Variants in MED12L observed in about 807,000 individuals in gnomAD.
MED12L encodes mediator of RNA polymerase II transcription subunit 12-like protein.
Under a neutral mutation model 281.3 loss-of-function variants are expected in MED12L, and 60 were observed. The observed-to-expected ratio is 0.21, with a 90% confidence interval of 0.17 to 0.26. The LOEUF is 0.26. Ranked by LOEUF, MED12L falls within the 10% of genes least tolerant of loss-of-function variation. The probability of loss-of-function intolerance (pLI) is 1.00; values close to 1 mark genes in which losing one functional copy is unlikely to be tolerated. For synonymous variants in MED12L, 974 were observed against 987.2 expected, an observed-to-expected ratio of 0.99 and a Z score of 0.25; for missense variants, 2,146 against 2,680.9, an observed-to-expected ratio of 0.80 and a Z score of 4.41.
chr3:151,128,095 G>A (rs1714805213), intron 5 of MED12L, 111 bp downstream of exon 5: 2 of 950,810 alleles, frequency 2.1e-6, no homozygotes, highest in South Asian at 1.6e-5. Flanking sequence ...AAGGTCCGTG[G>A]TGAGACTGAT....
intron 16 of MED12L, among the ~76,000 whole-genome samples, chr3:151,279,893 A>G (rs560875930): frequency 3.3e-5 from 5 of 152,238 alleles, no homozygotes; most frequent in Non-Finnish European, 7.4e-5. Context: ...ACACCCATTA[A>G]TTGTTCCGGG....
intron 5 of MED12L, among the ~76,000 whole-genome samples, chr3:151,139,978 T>A (rs562713883): frequency 3.3e-5 from 5 of 152,332 alleles, no homozygotes; most frequent in African/African-American, 1.2e-4. Flanking sequence ...TCATTGGTAC[T>A]TTTCCTGGAA....
Position 151,350,163 on chromosome 3 carries a change from T to C in MED12L, c.2355T>C (p.Asp785=), listed in dbSNP as rs1385959703. Residue 785 remains aspartate, a synonymous_variant, in exon 17 of 45, where the codon GAT becomes GAC. Transcript: ENST00000687756. ...ATCAGCTGAAGAAGATTACCAAAGA[T>C]ATCCTGAAAATTCTAAATAAGAAGA... ...ARHQLKKITK[D]ILKILNKKST... 1 of 1,613,790 alleles carries C rather than the reference T, an allele frequency of 6.2e-7. No individual in the cohort carries two copies. Among genetic ancestry groups the C allele is most frequent in the Non-Finnish European group, 8.5e-7 (1 of 1,179,822 alleles).
At chr3:151,237,186 A>G (rs1271776490) in intron 16 of MED12L, among the ~76,000 whole-genome samples, 2 of 146,996 alleles carry the variant, frequency 1.4e-5, no homozygotes, top group Admixed American at 6.8e-5. Flanking sequence ...CTACAGGTGC[A>G]TGCCACCACG....
At chr3:151,378,257 G>A in intron 31 of MED12L, 84 bp downstream of exon 31, 1 of 1,306,978 alleles carries the variant, frequency 7.7e-7, no homozygotes, top group Non-Finnish European at 1.0e-6. Flanking sequence ...TGTGGTCACT[G>A]TACCCACAGT....
chr3:151,399,205 GATTAAGTATGTGT>G (rs1301657434), intron 39 of MED12L, among the ~76,000 whole-genome samples: 1 of 152,314 alleles, frequency 6.6e-6, no homozygotes, highest in Non-Finnish European at 1.5e-5. Flanking sequence ...TGAAGTTAAT[GATTAAGTATGTGT>G]AAAACAGCCC....
At chr3:151,406,785 T>G (rs2108327519) in intron 39 of MED12L, among the ~76,000 whole-genome samples, 1 of 148,704 alleles carries the variant, frequency 6.7e-6, no homozygotes, top group South Asian at 2.1e-4. Context: ...AGTTTTCAGT[T>G]TCCATTTCTT....
chr3:151,421,113 T>C (rs1718196319), intron 43 of MED12L, among the ~76,000 whole-genome samples: 2 of 152,106 alleles, frequency 1.3e-5, no homozygotes, highest in African/African-American at 2.4e-5. Flanking sequence ...GCTGAGCCTG[T>C]GCGTAACCTC....
intron 2 of MED12L, among the ~76,000 whole-genome samples, chr3:151,089,921 G>A (rs919072279): frequency 3.9e-5 from 6 of 152,078 alleles, no homozygotes; most frequent in Admixed American, 6.5e-5. Context: ...ACATCCATGC[G>A]CACATCCTGT....
At chr3:151,358,123 C>T (rs1754158575) in intron 20 of MED12L, among the ~76,000 whole-genome samples, 1 of 152,018 alleles carries the variant, frequency 6.6e-6, no homozygotes, top group Non-Finnish European at 1.5e-5. Flanking sequence ...TTTTTTTAAT[C>T]TAGCACATGT....
chr3:151,260,208 G>A (rs1163358808), intron 16 of MED12L, among the ~76,000 whole-genome samples: 2 of 152,116 alleles, frequency 1.3e-5, no homozygotes, highest in Admixed American at 6.5e-5. Flanking sequence ...GAAAAGAGCC[G>A]CAACGTCACC....
At chr3:151,143,844 G>A (rs796285829) in intron 5 of MED12L, among the ~76,000 whole-genome samples, 16 of 152,338 alleles carry the variant, frequency 1.1e-4, no homozygotes, top group African/African-American at 3.8e-4. Context: ...GTCACATGTA[G>A]AAGGCTGTGG....
At chr3:151,363,783 A>G (rs1303860689) in intron 21 of MED12L, among the ~76,000 whole-genome samples, 1 of 152,170 alleles carries the variant, frequency 6.6e-6, no homozygotes, top group Non-Finnish European at 1.5e-5. Context: ...ATACACCCAC[A>G]GTGGAGGCCC....
intron 2 of MED12L, among the ~76,000 whole-genome samples, chr3:151,112,251 A>T (rs1247829275): frequency 6.6e-6 from 1 of 151,550 alleles, no homozygotes; most frequent in Non-Finnish European, 1.5e-5. Context: ...TAATGCTAGG[A>T]ATAGGAGCAA....
intron 14 of MED12L, among the ~76,000 whole-genome samples, 164 bp from the exon 15 acceptor site, chr3:151,192,386 C>T (rs1367210304): frequency 6.6e-6 from 1 of 152,176 alleles, no homozygotes; most frequent in Non-Finnish European, 1.5e-5. Context: ...TGTGACTGTT[C>T]ATAGCAAGGC....
At chr3:151,342,861 T>G (rs778618559) in intron 16 of MED12L, among the ~76,000 whole-genome samples, 2 of 152,198 alleles carry the variant, frequency 1.3e-5, no homozygotes, top group African/African-American at 2.4e-5. Flanking sequence ...ATATTTAATT[T>G]CTTACACTGT....
At chr3:151,398,528 A>G (rs1163937879) in intron 39 of MED12L, among the ~76,000 whole-genome samples, 4 of 152,252 alleles carry the variant, frequency 2.6e-5, no homozygotes, top group African/African-American at 9.6e-5. Context: ...AGTGTTTAAC[A>G]CAGTACCTAG....
At chr3:151,317,420 TTA>T (rs1748405254) in intron 16 of MED12L, among the ~76,000 whole-genome samples, 1 of 146,812 alleles carries the variant, frequency 6.8e-6, no homozygotes, top group African/African-American at 2.5e-5. Flanking sequence ...AATGACAAAT[TTA>T]TATAATCATA....
rs375147368 is a variant in MED12L, at chr3:151,336,067, G to A, written c.2251-13992G>A. Among the ~76,000 whole-genome samples the A allele has an allele frequency of 3.3e-4, 50 of 152,288 alleles. 1 individual carries two copies. Among genetic ancestry groups the A allele is most frequent in the African/African-American group, 1.1e-3 (47 of 41,560 alleles). On this transcript the variant is annotated intron_variant, in intron 16 of 44. Transcript: ENST00000687756. ...TGCTCTACCCCAACTTGAATGGGTG[G>A]AGGGATGAGTCTGCCTTTCATTTTT...
Sources: gnomAD v4.1 joint callset for allele counts (sites outside exome capture counted in the v4.1 genomes callset) on GRCh38, gnomAD v4.1.1 for gene constraint, MANE v1.5 for transcripts, NCBI Gene and HGNC (gene_info 2026-07-23, HGNC 2026-07-21) for gene names.